Variants in MDGA2 observed in about 807,000 individuals in gnomAD.
MDGA2 encodes MAM domain containing glycosylphosphatidylinositol anchor 2.
Under a neutral mutation model 117.8 loss-of-function variants are expected in MDGA2, and 40 were observed. The ratio of observed to expected loss-of-function variants is 0.34; its 90% CI spans 0.26 to 0.44. The LOEUF (loss-of-function observed/expected upper bound fraction) is 0.44, where lower values mean the gene tolerates loss of function less well. MDGA2 is among the 20% of genes least tolerant of loss of function. MDGA2 has a pLI of 1.00. For synonymous variants in MDGA2, 452 were observed against 439.0 expected (o/e 1.03, Z -0.37); for missense variants, 1,123 against 1,250.6 (o/e 0.90, Z 1.54).
At position 47,343,241 on chromosome 14, in the gene MDGA2, C is replaced by T. The variant is rs375377211; in HGVS notation, c.281-41691G>A. The T allele has an allele frequency of 1.2e-4, 137 of 1,137,100 alleles. No individual in the cohort carries two copies. The African/African-American group carries it at 1.8e-3, about 15-fold the overall frequency. The allele number at this position is 1,137,100 out of a possible 1,614,324, so 70.4% of individuals were successfully genotyped here. On this transcript the variant is annotated intron_variant, in intron 1 of 16. Coordinates refer to ENST00000399232, the MANE Select transcript of MDGA2 (RefSeq NM_001113498.3). ...TTTGTTTGTTTGTTTTTTTCAGGAA[C>T]GATTATCGAATTCCGGGCATTGTAT...
chr14:46,980,679 C>G (rs550789392), intron 8 of MDGA2, among the ~76,000 whole-genome samples: 1 of 152,260 alleles, frequency 6.6e-6, no homozygotes, highest in South Asian at 2.1e-4. Flanking sequence ...CCTTCAGTAA[C>G]CACCACCGCA....
At chr14:47,420,701 C>T (rs1369069652) in intron 1 of MDGA2, among the ~76,000 whole-genome samples, 1 of 151,950 alleles carries the variant, frequency 6.6e-6, no homozygotes, top group African/African-American at 2.4e-5. Context: ...GTATTACAGA[C>T]CTTGACTGGT....
chr14:47,348,331 G>A (rs1255440377), intron 1 of MDGA2, among the ~76,000 whole-genome samples: 1 of 151,608 alleles, frequency 6.6e-6, no homozygotes, highest in Non-Finnish European at 1.5e-5. Flanking sequence ...CATGCCTCAG[G>A]CTCCAGAGTA....
chr14:46,883,296 T>C (rs1882537473), intron 10 of MDGA2, among the ~76,000 whole-genome samples: 2 of 152,048 alleles, frequency 1.3e-5, no homozygotes, highest in Non-Finnish European at 2.9e-5. Flanking sequence ...CAAGAATTGC[T>C]TAACATTAGA....
At chr14:47,180,996 C>A (rs979857752) in intron 3 of MDGA2, among the ~76,000 whole-genome samples, 1 of 151,992 alleles carries the variant, frequency 6.6e-6, no homozygotes, top group Non-Finnish European at 1.5e-5. Context: ...GGAAAACGAT[C>A]ATTTATATAC....
intron 3 of MDGA2, among the ~76,000 whole-genome samples, chr14:47,179,219 A>G (rs1594700363): frequency 1.3e-5 from 2 of 152,110 alleles, no homozygotes; most frequent in Non-Finnish European, 2.9e-5. Flanking sequence ...GTACAATATT[A>G]TATGGGGAGC....
chr14:47,246,033 A>G (rs991186222), intron 2 of MDGA2, among the ~76,000 whole-genome samples: 1 of 151,836 alleles, frequency 6.6e-6, no homozygotes, highest in Non-Finnish European at 1.5e-5. Flanking sequence ...AGCTTCACAG[A>G]TAGATTCTTT....
At chr14:47,390,618 C>T (rs555554937) in intron 1 of MDGA2, among the ~76,000 whole-genome samples, 1 of 152,262 alleles carries the variant, frequency 6.6e-6, no homozygotes, top group African/African-American at 2.4e-5. Flanking sequence ...ATGAGTTGTA[C>T]CTGCTCAGAC....
At chr14:47,346,748 G>T (rs1890771299) in intron 1 of MDGA2, among the ~76,000 whole-genome samples, 2 of 152,088 alleles carry the variant, frequency 1.3e-5, no homozygotes, top group Non-Finnish European at 2.9e-5. Flanking sequence ...TATTGTGCCT[G>T]CCAGCATTCC....
chr14:47,068,797 T>C (rs1160325504), intron 6 of MDGA2, among the ~76,000 whole-genome samples: 3 of 152,176 alleles, frequency 2.0e-5, no homozygotes, highest in Non-Finnish European at 4.4e-5. Context: ...TCCTTAATAT[T>C]TATGAAATTG....
At chr14:47,478,717 A>G (rs1382389913) in intron 1 of MDGA2, among the ~76,000 whole-genome samples, 1 of 152,204 alleles carries the variant, frequency 6.6e-6, no homozygotes, top group Non-Finnish European at 1.5e-5. Flanking sequence ...CAAGAGCAGT[A>G]TCTCTCCTAG....
At chr14:47,045,351 A>C (rs879351249) in intron 7 of MDGA2, among the ~76,000 whole-genome samples, 7 of 152,168 alleles carry the variant, frequency 4.6e-5, no homozygotes, top group Non-Finnish European at 8.8e-5. Flanking sequence ...TTTTAGAATA[A>C]TTAAAATAAA....
intron 2 of MDGA2, among the ~76,000 whole-genome samples, chr14:47,268,094 C>T (rs1295132174): frequency 6.7e-6 from 1 of 148,714 alleles, no homozygotes; most frequent in East Asian, 2.0e-4. Context: ...TTTTTTGAGA[C>T]AGAGTTTCGT....
intron 7 of MDGA2, among the ~76,000 whole-genome samples, chr14:47,048,342 T>C (rs780627582): frequency 2.0e-5 from 3 of 152,058 alleles, no homozygotes; most frequent in Non-Finnish European, 4.4e-5. Flanking sequence ...TATAAAAGCA[T>C]TGAAAAAGAA....
intron 1 of MDGA2, among the ~76,000 whole-genome samples, chr14:47,561,150 T>G (rs200709218): frequency 2.3e-5 from 1 of 43,242 alleles, no homozygotes; most frequent in African/African-American, 6.1e-5. Context: ...TGTTTTTTTT[T>G]TTGTTTTGTT....
intron 1 of MDGA2, among the ~76,000 whole-genome samples, chr14:47,617,228 C>A (rs550431541): frequency 1.3e-5 from 2 of 148,346 alleles, no homozygotes; most frequent in East Asian, 3.9e-4. Context: ...TTTTTTGAGA[C>A]GGAGGCTCGC....
At chr14:47,458,873 T>C (rs1893420115) in intron 1 of MDGA2, among the ~76,000 whole-genome samples, 1 of 151,168 alleles carries the variant, frequency 6.6e-6, no homozygotes, top group African/African-American at 2.4e-5. Context: ...AATATACCAC[T>C]TCATGGCAGG....
At chr14:46,930,514 C>G (rs1353566757) in intron 9 of MDGA2, among the ~76,000 whole-genome samples, 3 of 152,056 alleles carry the variant, frequency 2.0e-5, no homozygotes, top group African/African-American at 4.8e-5. Context: ...TAGAAGAAAA[C>G]TTCAGCTAAA....
In MDGA2 at chr14:47,600,430, T is replaced by C. The variant is rs375333070; in HGVS notation, c.280+74087A>G. 6.2e-4 allele frequency among the ~76,000 whole-genome samples: 94 copies of C among 151,948 alleles called. 1 individual carries two copies. Among genetic ancestry groups the C allele is most frequent in the African/African-American group, 2.2e-3 (90 of 41,452 alleles). ...GCTCGGATGACAGAGCAAGATATTG[T>C]CTCAAAAAAAATTTTAAAAATATCG... On this transcript the variant is annotated intron_variant, in intron 1 of 16. Transcript: ENST00000399232.
Sources: gnomAD v4.1 joint callset for allele counts (sites outside exome capture counted in the v4.1 genomes callset) on GRCh38, gnomAD v4.1.1 for gene constraint, MANE v1.5 for transcripts, NCBI Gene and HGNC (gene_info 2026-07-23, HGNC 2026-07-21) for gene names.